MOB2: variants seen among roughly 807,000 people sequenced by gnomAD.
The protein encoded by MOB2 is MOB kinase activator 2.
A neutral mutation model predicts 27.4 loss-of-function variants in MOB2; 14 were observed. The ratio of observed to expected loss-of-function variants is 0.51; its 90% CI spans 0.34 to 0.80. MOB2 has a LOEUF of 0.80. MOB2 is among the 30% of genes least tolerant of loss of function. The pLI is 0.01. For synonymous variants in MOB2, 167 were observed against 151.8 expected, an observed-to-expected ratio of 1.10 and a Z score of -0.74; for missense variants, 304 against 354.6, an observed-to-expected ratio of 0.86 and a Z score of 1.15.
chr11:1,470,262 GCATA>G lies in MOB2; in HGVS notation c.713_716del (p.Leu238ProfsTer27), dbSNP rs770208256. On this transcript the variant is annotated frameshift_variant, in exon 5 of 5. Coordinates refer to ENST00000329957, the MANE Select transcript of MOB2 (RefSeq NM_001172223.3). LOFTEE classifies it high-confidence loss of function. ...CACTGTGGACCCCGCCGGCCCCGCT[GCATA>G]GCACCTCGGTGAGGTCGTCCATGAT... 6.2e-7 allele frequency: 1 copy of G among 1,612,792 alleles called. No individual in the cohort carries two copies. Among genetic ancestry groups the G allele is most frequent in the African/African-American group, 1.3e-5 (1 of 74,940 alleles).
intron 3 of MOB2, among the ~76,000 whole-genome samples, chr11:1,479,040 G>A (rs1847882186): frequency 1.3e-5 from 2 of 152,246 alleles, no homozygotes; most frequent in African/African-American, 4.8e-5. Flanking sequence ...AGCTCCAGAT[G>A]AGAAGGACCA....
Position 1,480,258 on chromosome 11 carries a change from G to A in MOB2, c.365+135C>T, listed in dbSNP as rs1239907334. On this transcript the variant is annotated intron_variant, in intron 3 of 4. Coordinates refer to ENST00000329957, the MANE Select transcript of MOB2 (RefSeq NM_001172223.3). ...TTTCCACAGGAAGGTGGATGTTGTG[G>A]AAGGCCTGTGCCAAGACTTCTCAGG... The A allele has an allele frequency of 5.2e-6, 4 of 765,368 alleles. No homozygotes were observed. In the East Asian group the frequency reaches 1.1e-4, roughly 21 times the overall value. 47.4% of individuals were successfully genotyped at this position (765,368 alleles called of 1,614,324 possible). A position where few individuals can be genotyped will look rare whatever the true frequency, so the allele number is the denominator to read the frequency against.
chr11:1,470,429 G>C lies in MOB2; in HGVS notation c.550C>G (p.His184Asp), dbSNP rs1847772600. Reference protein sequence around the residue: ...LVRKICRHLFHVLAHIYWAHF... With the variant: ...LVRKICRHLFDVLAHIYWAHF... ...GCCCAGTAGATGTGTGCCAGCACGT[G>C]GAACAGGTGTCTGCAGATCTTCCTC... The change falls in exon 5 of 5, where the codon CAC becomes GAC. Residue 184 changes from histidine to aspartate, a missense_variant. His to Asp is a moderately conservative substitution (Grantham distance 81). Coordinates refer to ENST00000329957, the MANE Select transcript of MOB2 (RefSeq NM_001172223.3). 6.2e-7 allele frequency: 1 copy of C among 1,613,676 alleles called. No homozygotes were observed. The highest frequency in any genetic ancestry group is 8.5e-7 in the Non-Finnish European group (1 of 1,179,882).
At chr11:1,476,073 C>T (rs1202862037) in intron 3 of MOB2, among the ~76,000 whole-genome samples, 4 of 152,104 alleles carry the variant, frequency 2.6e-5, no homozygotes, top group Non-Finnish European at 5.9e-5. Flanking sequence ...ACAGCTGGGC[C>T]GAGGGAGGAG....
intron 3 of MOB2, among the ~76,000 whole-genome samples, chr11:1,477,095 G>T (rs1377182422): frequency 1.3e-5 from 2 of 152,108 alleles, no homozygotes. Flanking sequence ...CCCACGGGTG[G>T]GGTCATCGGG....
At chr11:1,470,667 C>A (rs1485612184) in intron 4 of MOB2, among the ~76,000 whole-genome samples, 179 bp from the exon 5 acceptor site, 1 of 152,256 alleles carries the variant, frequency 6.6e-6, no homozygotes, top group African/African-American at 2.4e-5. Context: ...ACCACAGGGA[C>A]TTGCCAACCC....
intron 2 of MOB2, 21 bp from the exon 3 acceptor site, chr11:1,480,507 C>G (rs770266163): frequency 6.2e-7 from 1 of 1,611,610 alleles, no homozygotes; most frequent in Non-Finnish European, 8.5e-7. Flanking sequence ...AGAGAAGGAG[C>G]CAGATGTGAA....
intron 4 of MOB2, 129 bp downstream of exon 4, chr11:1,471,166 G>A (rs910485918): frequency 7.8e-7 from 1 of 1,279,254 alleles, no homozygotes; most frequent in African/African-American, 1.5e-5. Context: ...AGCAGGGACT[G>A]GGGTGGTGCA....
intron 3 of MOB2, among the ~76,000 whole-genome samples, chr11:1,475,789 T>C (rs1457290711): frequency 2.0e-5 from 3 of 152,276 alleles, no homozygotes; most frequent in Non-Finnish European, 4.4e-5. Flanking sequence ...ACAGCGAAAT[T>C]AAAGGGACTT....
chr11:1,484,844 G>A (rs1002650960), intron 1 of MOB2, among the ~76,000 whole-genome samples: 24 of 152,304 alleles, frequency 1.6e-4, no homozygotes, highest in African/African-American at 5.5e-4. Context: ...ACTGCCCACA[G>A]GCTTCAGCCA....
intron 3 of MOB2, chr11:1,472,087 T>C (rs1054257390): frequency 2.0e-5 from 3 of 152,168 alleles, no homozygotes; most frequent in Admixed American, 6.5e-5. Flanking sequence ...CTCTTACTGT[T>C]GGGTCCAGCC....
chr11:1,486,055 C>G (rs902959375), intron 1 of MOB2, among the ~76,000 whole-genome samples: 4 of 152,260 alleles, frequency 2.6e-5, no homozygotes, highest in Non-Finnish European at 5.9e-5. Flanking sequence ...GACAGGCACA[C>G]CTGCTGGCGG....
rs149942040 is a variant in MOB2 at position 1,474,743 on chromosome 11, C to T, written c.366-3324G>A. ...CCACACGTTTGTGTGGGGCTGTCTCCGGACTCTCCGTCCACACGTTTGTGT... is the reference window on the plus strand; with the variant it reads ...CCACACGTTTGTGTGGGGCTGTCTCTGGACTCTCCGTCCACACGTTTGTGT... On this transcript the variant is annotated intron_variant, in intron 3 of 4. Coordinates refer to ENST00000329957, the MANE Select transcript of MOB2 (RefSeq NM_001172223.3). 1.3e-3 allele frequency among the ~76,000 whole-genome samples: 192 copies of T among 152,272 alleles called. 1 individual carries two copies. Among genetic ancestry groups the T allele is most frequent in the African/African-American group, 4.5e-3 (186 of 41,550 alleles).
chr11:1,481,089 C>T (rs986315713), intron 1 of MOB2: 1 of 692,910 alleles, frequency 1.4e-6, no homozygotes, highest in African/African-American at 1.8e-5. Flanking sequence ...AGCTGCCTTG[C>T]GTGGCACCTC....
chr11:1,481,203 G>A, intron 1 of MOB2: 1 of 459,644 alleles, frequency 2.2e-6, no homozygotes, highest in Admixed American at 3.3e-5. Flanking sequence ...CCAGGGTTTA[G>A]GGCCCCCAGC....
At chr11:1,474,744 G>A (rs772410819) in intron 3 of MOB2, among the ~76,000 whole-genome samples, 5 of 152,064 alleles carry the variant, frequency 3.3e-5, no homozygotes, top group East Asian at 1.9e-4. Context: ...GGCTGTCTCC[G>A]GACTCTCCGT....
At chr11:1,475,010 A>G (rs1023033589) in intron 3 of MOB2, among the ~76,000 whole-genome samples, 2 of 152,214 alleles carry the variant, frequency 1.3e-5, no homozygotes, top group African/African-American at 4.8e-5. Flanking sequence ...TCAACAGATC[A>G]GTTTGGGGGA....
intron 1 of MOB2, among the ~76,000 whole-genome samples, chr11:1,484,072 T>C (rs1847944261): frequency 6.6e-6 from 1 of 152,130 alleles, no homozygotes; most frequent in Non-Finnish European, 1.5e-5. Context: ...GTCAACTTCA[T>C]TATCACAGGG....
intron 1 of MOB2, among the ~76,000 whole-genome samples, chr11:1,485,577 C>T (rs1005675621): frequency 9.9e-5 from 15 of 152,202 alleles, no homozygotes; most frequent in African/African-American, 2.4e-4. Context: ...GAGATGCACA[C>T]GGGTGCCGCA....
Sources: allele counts gnomAD v4.1 joint callset (sites outside exome capture counted in the v4.1 genomes callset), GRCh38; gene constraint gnomAD v4.1.1; transcripts MANE v1.5; gene names NCBI Gene and HGNC (gene_info 2026-07-23, HGNC 2026-07-21).